C8orf34: variants seen among roughly 807,000 people sequenced by gnomAD.
C8orf34 encodes chromosome 8 open reading frame 34.
In C8orf34, 65 loss-of-function variants were observed where a neutral mutation model predicts 68.3. That is an observed-to-expected ratio of 0.95 (90% CI 0.78 to 1.17). The LOEUF (loss-of-function observed/expected upper bound fraction) is 1.17, where lower values mean the gene tolerates loss of function less well. C8orf34 is among the 50% of genes most tolerant of loss of function. The probability of loss-of-function intolerance (pLI) is 0.00; values close to 1 mark genes in which losing one functional copy is unlikely to be tolerated. For synonymous variants in C8orf34, 244 were observed against 241.2 expected, an observed-to-expected ratio of 1.01 and a Z score of -0.11; for missense variants, 664 against 655.4, an observed-to-expected ratio of 1.01 and a Z score of -0.14.
chr8:68,805,432 A>C (rs1244032965), intron 12 of C8orf34, among the ~76,000 whole-genome samples: 1 of 152,144 alleles, frequency 6.6e-6, no homozygotes, highest in Non-Finnish European at 1.5e-5. Context: ...AGTTAGCAAG[A>C]GCTGTGTGTC....
At chr8:68,608,701 T>G (rs1817926873) in intron 7 of C8orf34, among the ~76,000 whole-genome samples, 1 of 151,998 alleles carries the variant, frequency 6.6e-6, no homozygotes, top group Non-Finnish European at 1.5e-5. Flanking sequence ...CATGGTCAGA[T>G]GCACATATAC....
At position 68,560,269 on chromosome 8, in the gene C8orf34, G is replaced by T. The variant is rs73683562; in HGVS notation, c.1105+27120G>T. On this transcript the variant is annotated intron_variant, in intron 7 of 13. Transcript: ENST00000518698. ...ACATGCAGTAGGGAAAGAAGGAGGA[G>T]TTTTCATTTCTGATCATTTTTTATT... 7.4e-3 allele frequency among the ~76,000 whole-genome samples: 1,092 copies of T among 147,410 alleles called. 18 individuals carry two copies. The highest frequency in any genetic ancestry group is 0.027 in the African/African-American group (1,037 of 38,012).
chr8:68,715,695 G>A (rs1821452757), intron 9 of C8orf34, among the ~76,000 whole-genome samples: 1 of 151,554 alleles, frequency 6.6e-6, no homozygotes, highest in Non-Finnish European at 1.5e-5. Flanking sequence ...GGTGAAAAAG[G>A]AACACTTTTA....
At chr8:68,661,710 A>T (rs1378302091) in intron 8 of C8orf34, among the ~76,000 whole-genome samples, 1 of 152,108 alleles carries the variant, frequency 6.6e-6, no homozygotes, top group African/African-American at 2.4e-5. Context: ...AGTCTGCTGC[A>T]GGCATGTTTA....
At chr8:68,453,080 C>T (rs1243442013) in intron 3 of C8orf34, among the ~76,000 whole-genome samples, 2 of 151,802 alleles carry the variant, frequency 1.3e-5, no homozygotes, top group Non-Finnish European at 1.5e-5. Flanking sequence ...ACCATGAATA[C>T]GAGGGTTTAT....
chr8:68,744,350 G>T (rs941692618), intron 10 of C8orf34, among the ~76,000 whole-genome samples: 3 of 152,212 alleles, frequency 2.0e-5, no homozygotes, highest in African/African-American at 7.2e-5. Context: ...AAGGAATGCA[G>T]TTTCTCACCA....
At chr8:68,815,021 ATTTG>A (rs1824768343) in intron 12 of C8orf34, among the ~76,000 whole-genome samples, 1 of 152,148 alleles carries the variant, frequency 6.6e-6, no homozygotes, top group Non-Finnish European at 1.5e-5. Context: ...CCAATGAACC[ATTTG>A]TTTGTGAATC....
intron 5 of C8orf34, among the ~76,000 whole-genome samples, chr8:68,520,452 A>G (rs901674802): frequency 1.3e-5 from 2 of 151,766 alleles, no homozygotes; most frequent in South Asian, 2.1e-4. Flanking sequence ...TTTTTTTTAA[A>G]TTTTATTTTT....
chr8:68,488,957 C>G (rs35502214), intron 5 of C8orf34, among the ~76,000 whole-genome samples: 1 of 150,474 alleles, frequency 6.6e-6, no homozygotes, highest in Non-Finnish European at 1.5e-5. Context: ...GATATCTAAA[C>G]GTTAAAAATT....
chr8:68,646,718 A>G (rs962575641), intron 8 of C8orf34, among the ~76,000 whole-genome samples: 1 of 152,132 alleles, frequency 6.6e-6, no homozygotes, highest in African/African-American at 2.4e-5. Context: ...GAGATTGTGC[A>G]CTATTTGTCT....
chr8:68,608,250 TTAGCCAAACC>T (rs1393457167), intron 7 of C8orf34, among the ~76,000 whole-genome samples: 8 of 151,916 alleles, frequency 5.3e-5, no homozygotes, highest in Admixed American at 4.6e-4. Flanking sequence ...ATTGAGAAAA[TTAGCCAAACC>T]ACTCTAGAGC....
intron 3 of C8orf34, chr8:68,447,230 C>G (rs980414348): frequency 6.6e-6 from 1 of 152,164 alleles, no homozygotes; most frequent in African/African-American, 2.4e-5. Flanking sequence ...TGAGAAGTCA[C>G]TCCTTACCAT....
intron 11 of C8orf34, among the ~76,000 whole-genome samples, chr8:68,783,747 G>A (rs941680796): frequency 5.3e-5 from 8 of 151,936 alleles, no homozygotes; most frequent in Non-Finnish European, 1.2e-4. Flanking sequence ...AGAAAACCAA[G>A]CTGTGCCCCA....
intron 1 of C8orf34, among the ~76,000 whole-genome samples, chr8:68,413,618 C>T (rs1809537179): frequency 6.6e-6 from 1 of 152,196 alleles, no homozygotes; most frequent in African/African-American, 2.4e-5. Context: ...GCATCAACAT[C>T]AGCCCAGTCA....
At chr8:68,815,835 C>T (rs367988289) in intron 12 of C8orf34, 51 bp from the exon 13 acceptor site, 17 of 1,613,004 alleles carry the variant, frequency 1.1e-5, no homozygotes, top group East Asian at 2.2e-5. Context: ...GGTATTTAAT[C>T]GATGATTTTT....
chr8:68,535,774 A>G, intron 7 of C8orf34: 2 of 959,172 alleles, frequency 2.1e-6, no homozygotes, highest in Non-Finnish European at 2.5e-6. Context: ...CACATTGCAA[A>G]AGTAACTTAA....
chr8:68,568,309 G>A (rs1347517296), intron 7 of C8orf34, among the ~76,000 whole-genome samples: 2 of 152,046 alleles, frequency 1.3e-5, no homozygotes, highest in Non-Finnish European at 2.9e-5. Flanking sequence ...CTGGTGAAGA[G>A]GCCTAATTTT....
intron 7 of C8orf34, among the ~76,000 whole-genome samples, chr8:68,548,546 C>T (rs1018917145): frequency 2.0e-5 from 3 of 151,656 alleles, no homozygotes; most frequent in African/African-American, 4.8e-5. Context: ...TTGCTAAGTA[C>T]GTGGAGCAGC....
chr8:68,381,718 G>A (rs1414310659), intron 1 of C8orf34, among the ~76,000 whole-genome samples: 3 of 104,060 alleles, frequency 2.9e-5, no homozygotes, highest in African/African-American at 3.9e-5. Flanking sequence ...CGGCCTGGGC[G>A]ACAGAGCGAG....
Sources: allele counts gnomAD v4.1 joint callset (sites outside exome capture counted in the v4.1 genomes callset), GRCh38; gene constraint gnomAD v4.1.1; transcripts MANE v1.5; gene names NCBI Gene and HGNC (gene_info 2026-07-23, HGNC 2026-07-21).